The following ARL1 variants were observed in gnomAD, a reference collection of about 807,000 sequenced individuals.
ARL1 encodes ADP-ribosylation factor-like protein 1.
ARL1 carries 17 observed loss-of-function variants against 30.1 expected under a neutral mutation model. The observed-to-expected ratio is 0.56, with a 90% CI of 0.39 to 0.85. The LOEUF (loss-of-function observed/expected upper bound fraction) is 0.85, where lower values mean the gene tolerates loss of function less well. ARL1 is among the 40% of genes least tolerant of loss of function. The pLI is 0.00. For missense variants in ARL1, 102 were observed against 212.6 expected, an observed-to-expected ratio of 0.48 and a Z score of 3.24; for synonymous variants, 58 against 71.7, an observed-to-expected ratio of 0.81 and a Z score of 0.97.
At chr12:101,407,115 A>G (rs1184896564) in intron 1 of ARL1, 1 of 154,654 alleles carries the variant, frequency 6.5e-6, no homozygotes, top group East Asian at 1.9e-4. Context: ...GAAACGCTAC[A>G]GCAGATTAGC....
At chr12:101,403,160 A>G (rs1280507428) in intron 2 of ARL1, 2 of 475,612 alleles carry the variant, frequency 4.2e-6, no homozygotes. Flanking sequence ...ACGAAATAGT[A>G]TGCTCTGCTC....
rs1050813719 is a variant in ARL1 at position 101,405,899 on chromosome 12, T to G, written c.87A>C (p.Gly29=). The change falls in exon 2 of 6, where the codon GGA becomes GGC. Residue 29 remains glycine (G), a synonymous_variant. Transcript: ENST00000261636. ...GTAATCTGTACAAAATTGTGGTTTT[T>G]CCTGCTCCATCTAATCCCAAAATTA... The part of the protein sequence containing the change: ...RILILGLDGA[G]KTTILYRLQV... The G allele has an allele frequency of 1.9e-6, 3 of 1,566,446 alleles. No individual in the cohort carries two copies. The highest frequency in any genetic ancestry group is 2.6e-6 in the Non-Finnish European group (3 of 1,153,748).
intron 4 of ARL1, among the ~76,000 whole-genome samples, chr12:101,398,507 TG>T (rs898959798): frequency 3.4e-4 from 51 of 152,020 alleles, no homozygotes; most frequent in African/African-American, 1.2e-3. Flanking sequence ...TGGAGTGCAG[TG>T]GCACTATCTC....
intron 2 of ARL1, 142 bp downstream of exon 2, chr12:101,405,701 AG>A: frequency 1.2e-6 from 1 of 830,892 alleles, no homozygotes; most frequent in Non-Finnish European, 1.7e-6. Flanking sequence ...GGATCACTTG[AG>A]GCCAAGAGTC....
At position 101,395,003 on chromosome 12, in the gene ARL1, C is replaced by T. The variant is rs1172994687; in HGVS notation, c.*637G>A. 6.6e-6 allele frequency: 1 copy of T among 152,152 alleles called. No individual in the cohort carries two copies. Among genetic ancestry groups the T allele is most frequent in the Non-Finnish European group, 1.5e-5 (1 of 68,054 alleles). The allele number at this position is 152,152 out of a possible 1,614,324, so 9.4% of individuals were successfully genotyped here. A position where few individuals can be genotyped will look rare whatever the true frequency, so the allele number is the denominator to read the frequency against. On this transcript the variant is annotated 3_prime_UTR_variant, in exon 6 of 6. Transcript: ENST00000261636. The stretch of plus-strand genomic sequence containing the variant: ...CTGTCCTACCTACTTCACAAGCTTC[C>T]TCTACCGATCAACTAGATCAATATA...
At chr12:101,401,770 T>G (rs1179313683) in intron 3 of ARL1, among the ~76,000 whole-genome samples, 1 of 151,734 alleles carries the variant, frequency 6.6e-6, no homozygotes, top group Non-Finnish European at 1.5e-5. Flanking sequence ...CTAAATATAC[T>G]GATAGAAAAG....
Position 101,395,323 on chromosome 12 carries a change from GGTT to G in ARL1, c.*314_*316del, listed in dbSNP as rs1871118317. On this transcript the variant is annotated 3_prime_UTR_variant, in exon 6 of 6. Coordinates refer to ENST00000261636, the MANE Select transcript of ARL1 (RefSeq NM_001177.6). ...AAGCTGCAACTACTATTCAAAAATA[GGTT>G]TTTTTCATCCAATAGGAGTATACTC... The G allele has an allele frequency of 4.1e-6, 1 of 243,642 alleles. No homozygotes were observed. Among genetic ancestry groups the G allele is most frequent in the South Asian group, 1.7e-4 (1 of 5,808 alleles). The allele number at this position is 243,642 out of a possible 1,614,324, so 15.1% of individuals were successfully genotyped here.
intron 1 of ARL1, 64 bp downstream of exon 1, chr12:101,407,578 T>C (rs1871482135): frequency 6.2e-7 from 1 of 1,601,936 alleles, no homozygotes; most frequent in Non-Finnish European, 8.5e-7. Flanking sequence ...TCTCCTCCTC[T>C]GCACCCCAGC....
Position 101,407,764 on chromosome 12 carries a change from G to T in ARL1, c.-119C>A, listed in dbSNP as rs761050752. The T allele has an allele frequency of 2.7e-6, 4 of 1,471,220 alleles. No individual in the cohort carries two copies. Among genetic ancestry groups the T allele is most frequent in the East Asian group, 2.3e-5 (1 of 43,982 alleles). The allele number at this position is 1,471,220 out of a possible 1,614,324, so 91.1% of individuals were successfully genotyped here. A position where few individuals can be genotyped will look rare whatever the true frequency, so the allele number is the denominator to read the frequency against. On this transcript the variant is annotated 5_prime_UTR_variant, in exon 1 of 6. Transcript: ENST00000261636. ...GCAACTTCCACGTCGGACTCCAGGC[G>T]GGGGCGGGAGCGAGGGTCAGCTGCG...
intron 1 of ARL1, chr12:101,407,172 C>T (rs367816273): frequency 7.0e-4 from 121 of 173,442 alleles, no homozygotes; most frequent in Middle Eastern, 2.6e-3. Flanking sequence ...AACACCTGCT[C>T]TCAGGTTTTT....
intron 4 of ARL1, among the ~76,000 whole-genome samples, chr12:101,399,699 TTTTA>T (rs889197404): frequency 6.6e-6 from 1 of 152,026 alleles, no homozygotes; most frequent in African/African-American, 2.4e-5. Flanking sequence ...GCAAGGGCAA[TTTTA>T]TTATTATCAT....
At chr12:101,399,989 A>C (rs1241754516) in intron 4 of ARL1, among the ~76,000 whole-genome samples, 1 of 152,076 alleles carries the variant, frequency 6.6e-6, no homozygotes, top group East Asian at 1.9e-4. Context: ...GTGCAGGGGC[A>C]CGATCTCGGC....
rs1282317942 is a variant in ARL1 at position 101,407,561 on chromosome 12, C to T, written c.4+81G>A. On this transcript the variant is annotated intron_variant, in intron 1 of 5. Coordinates refer to ENST00000261636, the MANE Select transcript of ARL1 (RefSeq NM_001177.6). ...GCTGGCTACTCTAGGGTATCCTGGCCGGCCCCTCTCCTCCTCTGCACCCCA... is the reference window on the plus strand; with the variant it reads ...GCTGGCTACTCTAGGGTATCCTGGCTGGCCCCTCTCCTCCTCTGCACCCCA... The T allele has an allele frequency of 2.2e-5, 35 of 1,585,480 alleles. No individual in the cohort carries two copies. The South Asian group carries it at 2.2e-4, about 10-fold the overall frequency.
At position 101,396,554 on chromosome 12, in the gene ARL1, A is replaced by G; in HGVS notation, c.360T>C (p.Ile120=). 2 of 1,613,264 alleles carry G rather than the reference A, an allele frequency of 1.2e-6. No homozygotes were observed. The highest frequency in any genetic ancestry group is 1.7e-6 in the Non-Finnish European group (2 of 1,179,326). Residue 120 remains isoleucine, a synonymous_variant, in exon 5 of 6, where the codon ATT becomes ATC. Transcript: ENST00000261636. The part of the protein sequence containing the change: ...MLEEEELRKA[I]LVVFANKQDM... ...CCTGTTTATTTGCAAACACCACTAA[A>G]ATGGCTTTTCTCAGCTCTTCTTCCT...
intron 1 of ARL1, chr12:101,407,319 C>T (rs1871472744): frequency 2.9e-6 from 1 of 345,122 alleles, no homozygotes; most frequent in African/African-American, 2.1e-5. Context: ...AACAACTCTG[C>T]CCAGCAAGTG....
chr12:101,396,361 A>G, intron 5 of ARL1, 38 bp downstream of exon 5: 1 of 1,613,346 alleles, frequency 6.2e-7, no homozygotes, highest in Middle Eastern at 1.6e-4. Flanking sequence ...GCAAGCACAC[A>G]CAAATGCACA....
chr12:101,407,526 C>G (rs2121132798), intron 1 of ARL1, 116 bp downstream of exon 1: 1 of 1,400,130 alleles, frequency 7.1e-7, no homozygotes, highest in Non-Finnish European at 9.8e-7. Context: ...CGCGACCCGC[C>G]CCCTGAGGAG....
In ARL1 at chr12:101,401,045, T is replaced by C; in HGVS notation, c.336+17A>G. 6.5e-7 allele frequency: 1 copy of C among 1,547,428 alleles called. No homozygotes were observed. Among genetic ancestry groups the C allele is most frequent in the Non-Finnish European group, 8.9e-7 (1 of 1,119,820 alleles). ...TAAATGACTGCCCCACATTTTAAAG[T>C]GGTTACGTTTTCTTACCTCCAACAT... On this transcript the variant is annotated intron_variant, in intron 4 of 5. Transcript: ENST00000261636.
At chr12:101,400,002 A>T (rs1331180132) in intron 4 of ARL1, among the ~76,000 whole-genome samples, 9 of 152,058 alleles carry the variant, frequency 5.9e-5, no homozygotes, top group Non-Finnish European at 1.3e-4. Flanking sequence ...ATCTCGGCTC[A>T]CTGCAACCTC....
Sources: allele counts gnomAD v4.1 joint callset (sites outside exome capture counted in the v4.1 genomes callset), GRCh38; gene constraint gnomAD v4.1.1; transcripts MANE v1.5; gene names NCBI Gene and HGNC (gene_info 2026-07-23, HGNC 2026-07-21).